The following NALCN variants were observed in gnomAD, a reference collection of about 807,000 sequenced individuals.
NALCN encodes sodium leak channel NALCN.
A neutral mutation model predicts 225.3 loss-of-function variants in NALCN; 111 were observed. The ratio of observed to expected loss-of-function variants is 0.49; its 90% confidence interval spans 0.42 to 0.58. The LOEUF (loss-of-function observed/expected upper bound fraction) is 0.58, where lower values mean the gene tolerates loss of function less well. Ranked by LOEUF, NALCN falls within the 20% of genes least tolerant of loss-of-function variation. The probability of loss-of-function intolerance (pLI) is 0.00; values close to 1 mark genes in which losing one functional copy is unlikely to be tolerated. For missense variants in NALCN, 1,378 were observed against 2,202.4 expected, an observed-to-expected ratio of 0.63 and a Z score of 7.49; for synonymous variants, 764 against 769.0, an observed-to-expected ratio of 0.99 and a Z score of 0.11.
intron 9 of NALCN, among the ~76,000 whole-genome samples, chr13:101,290,948 C>G (rs1017834478): frequency 3.9e-5 from 6 of 152,110 alleles, no homozygotes; most frequent in African/African-American, 1.2e-4. Context: ...GAAGAAGATA[C>G]ACAAATCTGC....
intron 17 of NALCN, among the ~76,000 whole-genome samples, chr13:101,142,138 C>CTTTTTTTTTTT (rs33925974): frequency 1.2e-4 from 12 of 97,066 alleles, no homozygotes; most frequent in African/African-American, 1.6e-4. Flanking sequence ...CATTCTATGT[C>CTTTTTTTTTTT]TTTTTTTTTT....
chr13:101,322,758 G>C (rs1218844831), intron 7 of NALCN, among the ~76,000 whole-genome samples: 1 of 152,034 alleles, frequency 6.6e-6, no homozygotes, highest in Non-Finnish European at 1.5e-5. Flanking sequence ...TGTCGCCCAG[G>C]TTGAAATTTA....
At chr13:101,165,959 G>A (rs2038418071) in intron 15 of NALCN, among the ~76,000 whole-genome samples, 1 of 152,194 alleles carries the variant, frequency 6.6e-6, no homozygotes, top group African/African-American at 2.4e-5. Flanking sequence ...CTCTGAATTT[G>A]ACTACTTTAG....
intron 37 of NALCN, 109 bp from the exon 38 acceptor site, chr13:101,068,936 A>G (rs2032641250): frequency 2.5e-6 from 3 of 1,214,994 alleles, no homozygotes; most frequent in Non-Finnish European, 1.1e-6. Context: ...CATATAATTA[A>G]CTTCAAAGTA....
chr13:101,259,458 C>A (rs1387323605), intron 10 of NALCN, among the ~76,000 whole-genome samples: 1 of 151,686 alleles, frequency 6.6e-6, no homozygotes, highest in African/African-American at 2.4e-5. Flanking sequence ...TTCAGCCTCC[C>A]GAGTAGCTGG....
intron 37 of NALCN, 34 bp from the exon 38 acceptor site, chr13:101,068,861 A>G (rs746316120): frequency 3.2e-6 from 5 of 1,546,234 alleles, no homozygotes; most frequent in Non-Finnish European, 4.4e-6. Context: ...AGGAGAGGAT[A>G]AGAGTAGAGA....
chr13:101,383,877 T>C (rs944233457), intron 3 of NALCN, among the ~76,000 whole-genome samples: 1 of 152,198 alleles, frequency 6.6e-6, no homozygotes, highest in African/African-American at 2.4e-5. Flanking sequence ...TGATTGTAAA[T>C]ACAATTGAAC....
At chr13:101,287,024 C>T (rs374322829) in intron 9 of NALCN, among the ~76,000 whole-genome samples, 171 of 152,180 alleles carry the variant, frequency 1.1e-3, no homozygotes, top group African/African-American at 3.1e-3. Flanking sequence ...AATTTATAAT[C>T]GATAACTTAT....
intron 13 of NALCN, among the ~76,000 whole-genome samples, chr13:101,213,730 A>G (rs1455723038): frequency 2.0e-5 from 3 of 152,236 alleles, no homozygotes; most frequent in African/African-American, 4.8e-5. Flanking sequence ...AATGCAAATC[A>G]AAACCACAAT....
intron 2 of NALCN, among the ~76,000 whole-genome samples, chr13:101,397,111 CAT>C (rs199967930): frequency 0.13 from 5,253 of 41,198 alleles, 407 homozygotes; most frequent in African/African-American, 0.33. Flanking sequence ...TATATATATA[CAT>C]ACACATACAT....
chr13:101,133,318 A>G (rs1036154518), intron 17 of NALCN, among the ~76,000 whole-genome samples: 2 of 152,180 alleles, frequency 1.3e-5, no homozygotes, highest in Non-Finnish European at 2.9e-5. Flanking sequence ...TCTAACTGGG[A>G]AAAAGTTTGA....
At position 101,376,904 on chromosome 13, in the gene NALCN, A is replaced by C. The variant is rs749884797; in HGVS notation, c.515+13T>G. On this transcript the variant is annotated intron_variant, in intron 5 of 43. Transcript: ENST00000251127. ...AAACTTTTCCTCTTAACTTATTGTA[A>C]AGCAGCGCTCACTTTAAAATATTTG... The C allele has an allele frequency of 5.0e-6, 8 of 1,614,164 alleles. 1 individual carries two copies. The South Asian group carries it at 8.8e-5, about 18-fold the overall frequency.
In NALCN at chr13:101,271,899, G is replaced by C. The variant is rs111071622; in HGVS notation, c.1134+12034C>G. ...GCCATATGCATGTGTGCATATGTGT[G>C]TGCGTGTGATTGTGTGTCACTGTGT... On this transcript the variant is annotated intron_variant, in intron 10 of 43. Coordinates refer to ENST00000251127, the MANE Select transcript of NALCN (RefSeq NM_052867.4). Among the ~76,000 whole-genome samples the C allele has an allele frequency of 1.7e-3, 258 of 151,144 alleles. 1 individual carries two copies. The highest frequency in any genetic ancestry group is 6.0e-3 in the African/African-American group (246 of 41,068).
intron 18 of NALCN, among the ~76,000 whole-genome samples, chr13:101,118,692 T>G (rs891840150): frequency 6.6e-6 from 1 of 152,236 alleles, no homozygotes; most frequent in Non-Finnish European, 1.5e-5. Context: ...TAAATATTTA[T>G]GACATTCATT....
intron 15 of NALCN, among the ~76,000 whole-genome samples, chr13:101,154,302 TC>T (rs2037796969): frequency 6.6e-6 from 1 of 152,188 alleles, no homozygotes; most frequent in South Asian, 2.1e-4. Flanking sequence ...AGCTTGAGCT[TC>T]TAAAACTGTT....
At chr13:101,106,455 T>A (rs2035107038) in intron 22 of NALCN, among the ~76,000 whole-genome samples, 1 of 152,174 alleles carries the variant, frequency 6.6e-6, no homozygotes, top group Non-Finnish European at 1.5e-5. Context: ...AATGGGAACA[T>A]GGAAAGTTTT....
intron 1 of NALCN, among the ~76,000 whole-genome samples, chr13:101,403,384 A>G (rs749822607): frequency 3.3e-5 from 5 of 152,078 alleles, no homozygotes; most frequent in African/African-American, 4.8e-5. Flanking sequence ...ACCATTATTC[A>G]CCATCCTGCA....
At chr13:101,374,261 T>C (rs1446770778) in intron 6 of NALCN, among the ~76,000 whole-genome samples, 2 of 150,210 alleles carry the variant, frequency 1.3e-5, no homozygotes, top group African/African-American at 4.9e-5. Flanking sequence ...GAACCTAAGG[T>C]AAATTTCTTT....
At chr13:101,170,807 C>T (rs1048844340) in intron 15 of NALCN, among the ~76,000 whole-genome samples, 2 of 152,180 alleles carry the variant, frequency 1.3e-5, no homozygotes, top group Admixed American at 6.5e-5. Context: ...TCTAAACAGA[C>T]TACCTATACT....
Sources: gnomAD v4.1 joint callset for allele counts (sites outside exome capture counted in the v4.1 genomes callset) on GRCh38, gnomAD v4.1.1 for gene constraint, MANE v1.5 for transcripts, NCBI Gene and HGNC (gene_info 2026-07-23, HGNC 2026-07-21) for gene names.